The following CSMD3 variants were observed in gnomAD, a reference collection of about 807,000 sequenced individuals.
The protein encoded by CSMD3 is CUB and sushi domain-containing protein 3.
CSMD3 carries 177 observed loss-of-function variants against 435.2 expected under a neutral mutation model. The ratio of observed to expected loss-of-function variants is 0.41; its 90% CI spans 0.36 to 0.46. The LOEUF (loss-of-function observed/expected upper bound fraction) is 0.46. CSMD3 is among the 20% of genes least tolerant of loss of function. CSMD3 has a pLI of 0.34. For missense variants in CSMD3, 4,265 were observed against 4,504.6 expected (o/e 0.95, Z 1.52); for synonymous variants, 1,656 against 1,520.5 (o/e 1.09, Z -2.07).
intron 13 of CSMD3, among the ~76,000 whole-genome samples, chr8:112,745,027 C>T (rs569205951): frequency 3.2e-4 from 48 of 152,084 alleles, no homozygotes; most frequent in African/African-American, 9.6e-4. Flanking sequence ...GGGGTGTGCA[C>T]GTAGTTAGTG....
intron 1 of CSMD3, among the ~76,000 whole-genome samples, chr8:113,348,809 G>A (rs937516064): frequency 7.9e-5 from 12 of 151,868 alleles, no homozygotes; most frequent in African/African-American, 2.4e-4. Context: ...TTAGGCTTAC[G>A]TGTATCATAC....
At chr8:112,741,028 C>T (rs1401312526) in intron 13 of CSMD3, among the ~76,000 whole-genome samples, 2 of 151,760 alleles carry the variant, frequency 1.3e-5, no homozygotes, top group South Asian at 2.1e-4. Flanking sequence ...CAATGTATAA[C>T]TTTTCCCAGC....
chr8:112,997,080 C>G (rs1264879063), intron 6 of CSMD3, among the ~76,000 whole-genome samples: 2 of 151,120 alleles, frequency 1.3e-5, no homozygotes, highest in Admixed American at 1.3e-4. Flanking sequence ...AGAAAAGTAA[C>G]CACATCATAA....
At chr8:112,709,594 A>C (rs2131911437) in intron 13 of CSMD3, among the ~76,000 whole-genome samples, 1 of 152,262 alleles carries the variant, frequency 6.6e-6, no homozygotes, top group African/African-American at 2.4e-5. Flanking sequence ...AGAGTTTTAT[A>C]AAATTCTAGT....
At chr8:113,326,611 T>A (rs890059549) in intron 1 of CSMD3, among the ~76,000 whole-genome samples, 3 of 152,176 alleles carry the variant, frequency 2.0e-5, no homozygotes, top group Non-Finnish European at 4.4e-5. Context: ...AATGTGTAAG[T>A]GTTTTATCTA....
intron 41 of CSMD3, among the ~76,000 whole-genome samples, chr8:112,343,811 T>TA (rs1825404536): frequency 1.3e-5 from 2 of 152,010 alleles, no homozygotes; most frequent in South Asian, 2.1e-4. Flanking sequence ...CATGTGTGGC[T>TA]AGTTTTTTTT....
At chr8:112,434,094 A>G (rs998996858) in intron 32 of CSMD3, among the ~76,000 whole-genome samples, 1 of 152,106 alleles carries the variant, frequency 6.6e-6, no homozygotes, top group Non-Finnish European at 1.5e-5. Flanking sequence ...CCTGTGCCCA[A>G]GCATTTTTGA....
intron 10 of CSMD3, among the ~76,000 whole-genome samples, chr8:112,897,378 G>C (rs2081977325): frequency 1.3e-5 from 2 of 151,282 alleles, no homozygotes; most frequent in Admixed American, 1.3e-4. Flanking sequence ...AACATATAAA[G>C]ACATTTTATT....
At chr8:112,278,069 G>A (rs1185254657) in intron 59 of CSMD3, among the ~76,000 whole-genome samples, 3 of 152,140 alleles carry the variant, frequency 2.0e-5, no homozygotes, top group South Asian at 2.1e-4. Flanking sequence ...ACCTTCTTGG[G>A]ACATCTTCAG....
At chr8:112,265,388 T>A (rs1405612192) in intron 60 of CSMD3, 23 bp downstream of exon 60, 1 of 1,559,890 alleles carries the variant, frequency 6.4e-7, no homozygotes, top group Non-Finnish European at 8.8e-7. Flanking sequence ...CATTTTTAAA[T>A]GTTGAAGAAA....
chr8:112,715,266 C>T (rs947091698), intron 13 of CSMD3, among the ~76,000 whole-genome samples: 14 of 152,098 alleles, frequency 9.2e-5, no homozygotes, highest in Non-Finnish European at 1.9e-4. Context: ...CACATAAATA[C>T]AAACTACCAT....
At chr8:112,906,791 T>G (rs1277476256) in intron 10 of CSMD3, among the ~76,000 whole-genome samples, 2 of 151,562 alleles carry the variant, frequency 1.3e-5, no homozygotes, top group Admixed American at 1.3e-4. Context: ...TTCAAATTCT[T>G]TCACTGATCA....
chr8:113,150,540 C>A (rs2091782191), intron 4 of CSMD3, among the ~76,000 whole-genome samples: 1 of 151,842 alleles, frequency 6.6e-6, no homozygotes, highest in Admixed American at 6.6e-5. Flanking sequence ...CTGGTGGAGA[C>A]CCTGAGCAGA....
chr8:113,237,730 C>T (rs1158134555), intron 3 of CSMD3, among the ~76,000 whole-genome samples: 1 of 152,148 alleles, frequency 6.6e-6, no homozygotes, highest in Non-Finnish European at 1.5e-5. Flanking sequence ...GAGTAAACAT[C>T]TAGGCTACTA....
chr8:112,366,297 G>A (rs1207389839), intron 38 of CSMD3, among the ~76,000 whole-genome samples: 1 of 152,168 alleles, frequency 6.6e-6, no homozygotes, highest in Non-Finnish European at 1.5e-5. Context: ...AGCTTCACCA[G>A]AGAGTCCTTT....
intron 23 of CSMD3, 57 bp downstream of exon 23, chr8:112,587,009 G>T (rs2131352086): frequency 2.6e-6 from 3 of 1,159,178 alleles, no homozygotes; most frequent in Admixed American, 1.7e-5. Context: ...TTTATCTATT[G>T]ATGTATATTT....
chr8:113,112,604 G>A (rs35653877), intron 4 of CSMD3, among the ~76,000 whole-genome samples: 14,628 of 151,190 alleles, frequency 0.097, 922 homozygotes, highest in Middle Eastern at 0.17. Flanking sequence ...CTGAGAAGTA[G>A]TCATGAGACC....
At chr8:112,645,017 A>G in intron 20 of CSMD3, 92 bp downstream of exon 20, 1 of 796,082 alleles carries the variant, frequency 1.3e-6, no homozygotes, top group Non-Finnish European at 2.3e-6. Context: ...GTTTTTGCTC[A>G]TGCAAAATAA....
At chr8:112,472,025 C>T (rs141191741) in intron 32 of CSMD3, among the ~76,000 whole-genome samples, 467 of 152,242 alleles carry the variant, frequency 3.1e-3, no homozygotes, top group African/African-American at 0.011. Flanking sequence ...CAGCAAAGGA[C>T]ACATTGTCTT....
Sources: gnomAD v4.1 joint callset for allele counts (sites outside exome capture counted in the v4.1 genomes callset) on GRCh38, gnomAD v4.1.1 for gene constraint, MANE v1.5 for transcripts, NCBI Gene and HGNC (gene_info 2026-07-23, HGNC 2026-07-21) for gene names.